Variants in DNAJC15 observed in about 807,000 individuals in gnomAD.
DNAJC15 encodes the protein DnaJ heat shock protein family (Hsp40) member C15.
A neutral mutation model predicts 22.4 loss-of-function variants in DNAJC15; 27 were observed. That is an observed-to-expected ratio of 1.20 (90% confidence interval 0.89 to 1.66). DNAJC15 has a LOEUF of 1.66. DNAJC15 is among the 40% of genes most tolerant of loss of function. The pLI is 0.00. For missense variants in DNAJC15, 208 were observed against 187.1 expected (o/e 1.11, Z -0.65); for synonymous variants, 79 against 63.2 (o/e 1.25, Z -1.19).
chr13:43,101,682 A>G (rs1225221472), intron 5 of DNAJC15, among the ~76,000 whole-genome samples: 1 of 152,162 alleles, frequency 6.6e-6, no homozygotes, highest in African/African-American at 2.4e-5. Context: ...AGAATATACA[A>G]TGATTGGTTT....
chr13:43,056,169 TAGA>T (rs2040530249), intron 1 of DNAJC15, among the ~76,000 whole-genome samples: 1 of 151,466 alleles, frequency 6.6e-6, no homozygotes, highest in African/African-American at 2.4e-5. Flanking sequence ...TTTTTTTTTT[TAGA>T]AGGAGTTTCG....
At chr13:43,050,992 G>T (rs1171828765) in intron 1 of DNAJC15, among the ~76,000 whole-genome samples, 1 of 151,664 alleles carries the variant, frequency 6.6e-6, no homozygotes, top group Non-Finnish European at 1.5e-5. Flanking sequence ...TTATTTTTTT[G>T]AGACTAAGTC....
intron 1 of DNAJC15, among the ~76,000 whole-genome samples, chr13:43,048,390 G>T (rs2040487517): frequency 6.6e-6 from 1 of 152,338 alleles, no homozygotes; most frequent in South Asian, 2.1e-4. Flanking sequence ...TACTGGGGAG[G>T]CTGAGGCAGG....
intron 1 of DNAJC15, among the ~76,000 whole-genome samples, chr13:43,049,913 T>C (rs989222420): frequency 6.6e-6 from 1 of 152,288 alleles, no homozygotes; most frequent in Non-Finnish European, 1.5e-5. Flanking sequence ...TTTGTTTGTT[T>C]GTTTGTTTTA....
chr13:43,026,548 T>G (rs2040381686), intron 1 of DNAJC15, among the ~76,000 whole-genome samples: 1 of 152,160 alleles, frequency 6.6e-6, no homozygotes, highest in South Asian at 2.1e-4. Context: ...GATAATAACT[T>G]TAGGGAACTT....
At chr13:43,081,478 G>C (rs538240513) in intron 4 of DNAJC15, among the ~76,000 whole-genome samples, 1 of 150,616 alleles carries the variant, frequency 6.6e-6, no homozygotes, top group South Asian at 2.1e-4. Flanking sequence ...TTGCTCTGTT[G>C]CCCAGGCTGG....
intron 4 of DNAJC15, among the ~76,000 whole-genome samples, chr13:43,080,116 T>G (rs2040654925): frequency 6.6e-6 from 1 of 152,148 alleles, no homozygotes; most frequent in Admixed American, 6.5e-5. Flanking sequence ...ACGTGCAGGT[T>G]TATTATAAAG....
chr13:43,110,468 TC>T lies in DNAJC15; in HGVS notation c.*3225del, dbSNP rs1343831725. The T allele has an allele frequency of 1.3e-5, 2 of 152,126 alleles. No homozygotes were observed. Among genetic ancestry groups the T allele is most frequent in the Non-Finnish European group, 2.9e-5 (2 of 68,030 alleles). 9.4% of individuals were successfully genotyped at this position (152,126 alleles called of 1,614,324 possible). A position where few individuals can be genotyped will look rare whatever the true frequency, so the allele number is the denominator to read the frequency against. On this transcript the variant is annotated 3_prime_UTR_variant, in exon 6 of 6. Coordinates refer to ENST00000379221, the MANE Select transcript of DNAJC15 (RefSeq NM_013238.3). The stretch of plus-strand genomic sequence containing the variant: ...AGCAGGACAGGTTTGGGATTTTTTT[TC>T]CCCCTTGAGTCTGTGAAGGCATTAC...
chr13:43,051,758 T>C (rs1470275597), intron 1 of DNAJC15, among the ~76,000 whole-genome samples: 2 of 152,158 alleles, frequency 1.3e-5, no homozygotes, highest in African/African-American at 2.4e-5. Context: ...AACATGCATG[T>C]GCAGTATCTT....
At chr13:43,102,445 A>G (rs1291246830) in intron 5 of DNAJC15, among the ~76,000 whole-genome samples, 3 of 151,850 alleles carry the variant, frequency 2.0e-5, no homozygotes, top group African/African-American at 7.3e-5. Flanking sequence ...TTTATTATGA[A>G]TGTGTGTTGA....
At position 43,108,610 on chromosome 13, in the gene DNAJC15, T is replaced by C. The variant is rs1285077867; in HGVS notation, c.*1362T>C. 2 of 152,196 alleles carry C rather than the reference T, an allele frequency of 1.3e-5. No homozygotes were observed. Among genetic ancestry groups the C allele is most frequent in the Non-Finnish European group, 2.9e-5 (2 of 68,040 alleles). The allele number at this position is 152,196 out of a possible 1,614,324, so 9.4% of individuals were successfully genotyped here. ...TTAGGAGTTCTCAACCTTGGCATTA[T>C]TGACATGTTAGGCCAAATAATTTTT... On this transcript the variant is annotated 3_prime_UTR_variant, in exon 6 of 6. Transcript: ENST00000379221.
chr13:43,056,925 A>C (rs571146403), intron 1 of DNAJC15, among the ~76,000 whole-genome samples: 2 of 152,320 alleles, frequency 1.3e-5, no homozygotes, highest in Non-Finnish European at 2.9e-5. Flanking sequence ...TAAGGAGGCT[A>C]AATATAGGAC....
chr13:43,033,620 G>T (rs1254123194), intron 1 of DNAJC15, among the ~76,000 whole-genome samples: 1 of 152,116 alleles, frequency 6.6e-6, no homozygotes, highest in Non-Finnish European at 1.5e-5. Context: ...ACCTTGACAG[G>T]TTTGAGGCTT....
chr13:43,085,790 A>G lies in DNAJC15; in HGVS notation c.334A>G (p.Ile112Val). Reference sequence around the variant, plus strand: ...CAGCCCATCTGCTGGCAAGGCTAAGATTAGAACAGCTCATAGGAGAGTCAT... The same window carrying G: ...CAGCCCATCTGCTGGCAAGGCTAAGGTTAGAACAGCTCATAGGAGAGTCAT... ...GVSPSAGKAK[I>V]RTAHRRVMIL... The change falls in exon 5 of 6, where the codon ATT becomes GTT. Residue 112 changes from isoleucine (I) to valine (V), a missense_variant. Coordinates refer to ENST00000379221, the MANE Select transcript of DNAJC15 (RefSeq NM_013238.3). 6.2e-7 allele frequency: 1 copy of G among 1,613,588 alleles called. No homozygotes were observed. The highest frequency in any genetic ancestry group is 1.1e-5 in the South Asian group (1 of 90,890).
Position 43,085,758 on chromosome 13 carries a change from C to CT in DNAJC15, c.312-5dup, listed in dbSNP as rs2040684885. ...CTATTTATTATAAGCACTGTAATTT[C>CT]TTTTTACAGCCCATCTGCTGGCAAG... On this transcript the variant is annotated splice_polypyrimidine_tract_variant and intron_variant, in intron 4 of 5. Transcript: ENST00000379221. 1 of 1,608,906 alleles carries CT rather than the reference C, an allele frequency of 6.2e-7. No homozygotes were observed. Among genetic ancestry groups the CT allele is most frequent in the African/African-American group, 1.3e-5 (1 of 74,648 alleles).
chr13:43,069,590 A>G (rs1434404473), intron 3 of DNAJC15, among the ~76,000 whole-genome samples: 1 of 152,226 alleles, frequency 6.6e-6, no homozygotes, highest in African/African-American at 2.4e-5. Flanking sequence ...TATCCGTAAA[A>G]GCAACAGTAT....
intron 1 of DNAJC15, among the ~76,000 whole-genome samples, chr13:43,048,005 C>G (rs1425373250): frequency 6.6e-6 from 1 of 152,142 alleles, no homozygotes; most frequent in Non-Finnish European, 1.5e-5. Flanking sequence ...AACTCTGCCA[C>G]CATTTTGAAA....
intron 1 of DNAJC15, among the ~76,000 whole-genome samples, chr13:43,036,677 CCACAG>C (rs2040430495): frequency 6.6e-6 from 1 of 152,230 alleles, no homozygotes; most frequent in Non-Finnish European, 1.5e-5. Flanking sequence ...AACATGACCT[CCACAG>C]CACCCTGGCT....
chr13:43,065,580 A>G, intron 1 of DNAJC15, 106 bp from the exon 2 acceptor site: 1 of 926,252 alleles, frequency 1.1e-6, no homozygotes, highest in Non-Finnish European at 1.7e-6. Context: ...AGTAGAGCTT[A>G]AAGAAAGTGT....
Sources: allele counts gnomAD v4.1 joint callset (sites outside exome capture counted in the v4.1 genomes callset), GRCh38; gene constraint gnomAD v4.1.1; transcripts MANE v1.5; gene names NCBI Gene and HGNC (gene_info 2026-07-23, HGNC 2026-07-21).